DPH6: variants seen among roughly 807,000 people sequenced by gnomAD.
DPH6 encodes the protein diphthamine biosynthesis 6.
DPH6 carries 33 observed loss-of-function variants against 38.2 expected under a neutral mutation model. The observed-to-expected ratio is 0.86, with a 90% confidence interval of 0.65 to 1.15. The LOEUF (loss-of-function observed/expected upper bound fraction) is 1.15, where lower values mean the gene tolerates loss of function less well. Ranked by LOEUF, DPH6 falls within the 50% of genes most tolerant of loss-of-function variation. The pLI, the probability that DPH6 is intolerant of heterozygous loss-of-function variation, is 0.00. For missense variants in DPH6, 325 were observed against 320.0 expected (o/e 1.02, Z -0.12); for synonymous variants, 108 against 103.0 (o/e 1.05, Z -0.30).
At chr15:35,527,409 T>C (rs1771742566) in intron 3 of DPH6, among the ~76,000 whole-genome samples, 1 of 152,208 alleles carries the variant, frequency 6.6e-6, no homozygotes, top group Non-Finnish European at 1.5e-5. Flanking sequence ...AGGAGCTGTA[T>C]GGAGTCTCAT....
intron 4 of DPH6, among the ~76,000 whole-genome samples, chr15:35,451,141 T>C (rs887385536): frequency 3.3e-5 from 5 of 152,170 alleles, no homozygotes; most frequent in African/African-American, 1.2e-4. Flanking sequence ...TTGAAGCATA[T>C]GTAAAGTGGG....
chr15:35,321,572 G>T (rs963566966), intron 3 of DPH6, among the ~76,000 whole-genome samples: 1 of 152,288 alleles, frequency 6.6e-6, no homozygotes, highest in Admixed American at 6.5e-5. Context: ...CTTGACTCTG[G>T]TAATAGTCAC....
intron 3 of DPH6, among the ~76,000 whole-genome samples, chr15:35,530,107 A>G (rs2055064941): frequency 6.6e-6 from 1 of 152,208 alleles, no homozygotes; most frequent in African/African-American, 2.4e-5. Flanking sequence ...AAAGAAATAA[A>G]GCAATTTATG....
chr15:35,544,527 T>C (rs1279255707), intron 1 of DPH6, among the ~76,000 whole-genome samples: 1 of 151,786 alleles, frequency 6.6e-6, no homozygotes, highest in Non-Finnish European at 1.5e-5. Context: ...AAAAGGAAAA[T>C]AATCTTCTTA....
intron 6 of DPH6, among the ~76,000 whole-genome samples, chr15:35,388,580 G>A (rs1481876447): frequency 6.6e-6 from 1 of 152,194 alleles, no homozygotes; most frequent in Non-Finnish European, 1.5e-5. Flanking sequence ...AAGAGTGTAT[G>A]TGTCCAGGAA....
intron 3 of DPH6, among the ~76,000 whole-genome samples, chr15:35,510,265 G>C (rs1461546259): frequency 1.3e-5 from 2 of 152,072 alleles, no homozygotes; most frequent in Non-Finnish European, 2.9e-5. Context: ...TTTGACTATT[G>C]TATTACAAAT....
chr15:35,225,261 G>A (rs2051472747), intron 3 of DPH6, among the ~76,000 whole-genome samples: 1 of 152,174 alleles, frequency 6.6e-6, no homozygotes, highest in Non-Finnish European at 1.5e-5. Flanking sequence ...ATCCTATAAT[G>A]GGGTATGTGC....
intron 6 of DPH6, chr15:35,400,635 C>G: frequency 1.8e-6 from 1 of 545,452 alleles, no homozygotes; most frequent in Non-Finnish European, 3.3e-6. Context: ...ATTAGCCTTT[C>G]TGCCAGTGGA....
At chr15:35,487,068 T>C (rs2054412390) in intron 3 of DPH6, among the ~76,000 whole-genome samples, 1 of 152,172 alleles carries the variant, frequency 6.6e-6, no homozygotes, top group Non-Finnish European at 1.5e-5. Flanking sequence ...ATGCAAGACA[T>C]GGTCTCCCAA....
At chr15:35,386,182 A>AT (rs2052953387) in intron 6 of DPH6, among the ~76,000 whole-genome samples, 1 of 152,080 alleles carries the variant, frequency 6.6e-6, no homozygotes, top group Admixed American at 6.6e-5. Flanking sequence ...TGAACTCATC[A>AT]TTTTTTATGG....
intron 3 of DPH6, among the ~76,000 whole-genome samples, chr15:35,257,648 T>G (rs1048079459): frequency 2.0e-5 from 3 of 152,086 alleles, no homozygotes; most frequent in Non-Finnish European, 4.4e-5. Flanking sequence ...ATCTTAGAAA[T>G]GCCTCATGAG....
At chr15:35,291,721 T>C (rs2051981705) in intron 3 of DPH6, among the ~76,000 whole-genome samples, 1 of 152,170 alleles carries the variant, frequency 6.6e-6, no homozygotes, top group African/African-American at 2.4e-5. Context: ...AGGCTTAAGG[T>C]GATAGCTCAG....
chr15:35,488,724 A>G (rs1459061211), intron 3 of DPH6, among the ~76,000 whole-genome samples: 1 of 152,208 alleles, frequency 6.6e-6, no homozygotes, highest in African/African-American at 2.4e-5. Context: ...CAGGAATTGT[A>G]CATTATGTAA....
At chr15:35,180,856 A>G in the DPH6 span, among the ~76,000 whole-genome samples, 5 of 152,330 alleles carry the variant, frequency 3.3e-5, no homozygotes, top group African/African-American at 1.2e-4. Context: ...AACAATTTTA[A>G]TATATATTTC....
chr15:35,470,795 A>C (rs1044570519), intron 3 of DPH6, among the ~76,000 whole-genome samples: 1 of 152,216 alleles, frequency 6.6e-6, no homozygotes, highest in Admixed American at 6.5e-5. Flanking sequence ...GAACAAAACA[A>C]AACAAAAACT....
intron 3 of DPH6, among the ~76,000 whole-genome samples, chr15:35,480,034 A>C (rs1595400801): frequency 6.6e-6 from 1 of 152,012 alleles, no homozygotes; most frequent in Admixed American, 6.6e-5. Flanking sequence ...TAGTGAAAAC[A>C]TTATGCTTTG....
intron 3 of DPH6, among the ~76,000 whole-genome samples, chr15:35,238,783 C>T (rs62004392): frequency 0.017 from 2,551 of 151,892 alleles, 35 homozygotes; most frequent in South Asian, 0.04. Flanking sequence ...TGTGTTCCTG[C>T]CCCACTTTAA....
At chr15:35,386,955 T>A (rs1376777870) in intron 6 of DPH6, among the ~76,000 whole-genome samples, 1 of 152,228 alleles carries the variant, frequency 6.6e-6, no homozygotes, top group East Asian at 1.9e-4. Flanking sequence ...GGTTTTCTTC[T>A]AGGGTTTTTA....
chr15:35,283,045 T>TTCC (rs894640407), intron 3 of DPH6: 4 of 176,814 alleles, frequency 2.3e-5, no homozygotes, highest in African/African-American at 1.0e-4. Context: ...CTTCTTCTTC[T>TTCC]TCCTTCTTCT....
Sources: allele counts gnomAD v4.1 joint callset (sites outside exome capture counted in the v4.1 genomes callset), GRCh38; gene constraint gnomAD v4.1.1; transcripts MANE v1.5; gene names NCBI Gene and HGNC (gene_info 2026-07-23, HGNC 2026-07-21).